The following ARB2A variants were observed in gnomAD, a reference collection of about 807,000 sequenced individuals.
ARB2A encodes the protein ARB2 cotranscriptional regulator A.
chr5:93,888,906 G>A, the ARB2A span, among the ~76,000 whole-genome samples: 19 of 151,572 alleles, frequency 1.3e-4, no homozygotes, highest in Non-Finnish European at 2.7e-4. Flanking sequence ...ATTAAATACC[G>A]ATTTCATACA....
the ARB2A span, among the ~76,000 whole-genome samples, chr5:93,696,993 G>C: frequency 1.3e-5 from 2 of 150,580 alleles, no homozygotes; most frequent in African/African-American, 2.5e-5. Flanking sequence ...ATCTGGGAGG[G>C]AGGGGTTGCA....
chr5:93,981,896 C>CTGAAAAAAA, the ARB2A span, among the ~76,000 whole-genome samples: 10 of 152,174 alleles, frequency 6.6e-5, no homozygotes, highest in Admixed American at 4.6e-4. Flanking sequence ...GAAAGAAGCA[C>CTGAAAAAAA]TGAAAAAAAT....
the ARB2A span, among the ~76,000 whole-genome samples, chr5:93,868,121 G>A: frequency 6.6e-6 from 1 of 152,194 alleles, no homozygotes; most frequent in Admixed American, 6.5e-5. Context: ...GGAGTTTGAG[G>A]CCAGCCTGGG....
chr5:93,811,967 T>C, the ARB2A span, among the ~76,000 whole-genome samples: 1 of 152,260 alleles, frequency 6.6e-6, no homozygotes, highest in African/African-American at 2.4e-5. Context: ...ACAGATTACA[T>C]GTATTCATAC....
the ARB2A span, among the ~76,000 whole-genome samples, chr5:94,047,061 A>G: frequency 6.6e-6 from 1 of 152,056 alleles, no homozygotes; most frequent in African/African-American, 2.4e-5. Flanking sequence ...TCTCTCTCCA[A>G]TTCCTGGGTC....
chr5:93,637,354 G>GTTTTTTTTTTT, the ARB2A span, among the ~76,000 whole-genome samples: 156 of 116,042 alleles, frequency 1.3e-3, no homozygotes, highest in East Asian at 2.5e-3. Context: ...GGGTTGTTTA[G>GTTTTTTTTTTT]TTTTTTTTTT....
chr5:93,927,507 T>C, the ARB2A span, among the ~76,000 whole-genome samples: 1 of 152,104 alleles, frequency 6.6e-6, no homozygotes, highest in Non-Finnish European at 1.5e-5. Context: ...TACCGTAAAC[T>C]TCATATGGTG....
At chr5:93,852,679 C>G in the ARB2A span, among the ~76,000 whole-genome samples, 1 of 152,100 alleles carries the variant, frequency 6.6e-6, no homozygotes, top group African/African-American at 2.4e-5. Context: ...ATATGGCTAG[C>G]CAGTTTTCCC....
At chr5:94,070,921 G>C in the ARB2A span, among the ~76,000 whole-genome samples, 2 of 151,978 alleles carry the variant, frequency 1.3e-5, no homozygotes, top group Non-Finnish European at 2.9e-5. Context: ...CAAACTAAGA[G>C]AACTCTCATA....
chr5:93,899,194 G>C, the ARB2A span, among the ~76,000 whole-genome samples: 5 of 152,020 alleles, frequency 3.3e-5, no homozygotes, highest in African/African-American at 1.2e-4. Context: ...GTCACCCCTA[G>C]GGGTCAGATA....
At chr5:93,830,564 C>A in the ARB2A span, among the ~76,000 whole-genome samples, 3 of 151,794 alleles carry the variant, frequency 2.0e-5, no homozygotes, top group Non-Finnish European at 4.4e-5. Context: ...TAAATCCATA[C>A]TATCTGACCT....
At chr5:94,048,371 G>A in the ARB2A span, among the ~76,000 whole-genome samples, 1 of 151,912 alleles carries the variant, frequency 6.6e-6, no homozygotes, top group Non-Finnish European at 1.5e-5. Flanking sequence ...TTTTTTTAAT[G>A]TGCAGCAGAA....
the ARB2A span, among the ~76,000 whole-genome samples, chr5:93,825,570 G>A: frequency 6.6e-6 from 1 of 152,106 alleles, no homozygotes; most frequent in South Asian, 2.1e-4. Flanking sequence ...TCAAACTGAT[G>A]TCCTGTATTT....
the ARB2A span, among the ~76,000 whole-genome samples, chr5:93,777,405 G>A: frequency 2.0e-5 from 3 of 152,094 alleles, no homozygotes; most frequent in Non-Finnish European, 2.9e-5. Context: ...TAATAGTAAC[G>A]ATGTAAGGTA....
chr5:93,813,668 A>G, the ARB2A span, among the ~76,000 whole-genome samples: 1 of 152,188 alleles, frequency 6.6e-6, no homozygotes, highest in Non-Finnish European at 1.5e-5. Flanking sequence ...AACTGTCTAC[A>G]AGACAGGAAG....
chr5:94,108,529 C>A, the ARB2A span, among the ~76,000 whole-genome samples: 2 of 151,852 alleles, frequency 1.3e-5, no homozygotes, highest in Non-Finnish European at 2.9e-5. Flanking sequence ...CCAAATAAAT[C>A]TCCAAAAATT....
the ARB2A span, among the ~76,000 whole-genome samples, chr5:94,042,177 G>A: frequency 1.3e-4 from 20 of 151,986 alleles, no homozygotes; most frequent in East Asian, 3.9e-4. Context: ...AATTAATCTC[G>A]TAAAAAAAAT....
At chr5:93,976,511 G>A in the ARB2A span, among the ~76,000 whole-genome samples, 1 of 152,180 alleles carries the variant, frequency 6.6e-6, no homozygotes, top group South Asian at 2.1e-4. Context: ...TCTCAAGGGA[G>A]GGAAGTGATT....
At chr5:93,627,408 A>C in the ARB2A span, among the ~76,000 whole-genome samples, 3 of 149,222 alleles carry the variant, frequency 2.0e-5, no homozygotes, top group Non-Finnish European at 4.4e-5. Context: ...AGGAATCACT[A>C]TCTCTGGCAC....
Sources: gnomAD v4.1 joint callset for allele counts (sites outside exome capture counted in the v4.1 genomes callset) on GRCh38, gnomAD v4.1.1 for gene constraint, MANE v1.5 for transcripts, NCBI Gene and HGNC (gene_info 2026-07-23, HGNC 2026-07-21) for gene names.